The following ATP9B variants were observed in gnomAD, a reference collection of about 807,000 sequenced individuals.
ATP9B encodes probable phospholipid-transporting ATPase IIB.
A neutral mutation model predicts 146.1 loss-of-function variants in ATP9B; 110 were observed. The observed-to-expected ratio is 0.75, with a 90% CI of 0.65 to 0.88. The LOEUF is 0.88. Among genes scored for constraint, ATP9B ranks in the 40% least tolerant of loss-of-function variants. The pLI is 0.00. For missense variants in ATP9B, 1,499 were observed against 1,496.4 expected, an observed-to-expected ratio of 1.00 and a Z score of -0.03; for synonymous variants, 604 against 569.7, an observed-to-expected ratio of 1.06 and a Z score of -0.86.
chr18:79,282,891 T>C (rs9956306), intron 13 of ATP9B, among the ~76,000 whole-genome samples: 64,856 of 151,942 alleles, frequency 0.43, 14,181 homozygotes, highest in Middle Eastern at 0.56. Context: ...GCAAAAGAAA[T>C]GTGTTGTCAG....
intron 15 of ATP9B, 124 bp from the exon 16 acceptor site, chr18:79,329,017 G>A (rs1198125748): frequency 5.7e-6 from 6 of 1,048,554 alleles, no homozygotes; most frequent in Non-Finnish European, 7.7e-6. Flanking sequence ...AAAAAGTTCT[G>A]AACACCTAAG....
intron 1 of ATP9B, among the ~76,000 whole-genome samples, chr18:79,095,362 G>T (rs914943894): frequency 3.9e-5 from 6 of 152,016 alleles, no homozygotes; most frequent in Non-Finnish European, 7.4e-5. Flanking sequence ...ACTCTTTCTG[G>T]GTATAATTTT....
At chr18:79,291,439 A>T (rs913859923) in intron 13 of ATP9B, among the ~76,000 whole-genome samples, 5 of 152,194 alleles carry the variant, frequency 3.3e-5, no homozygotes, top group Admixed American at 2.6e-4. Context: ...TGTATTACAG[A>T]CTCTACATTA....
At chr18:79,299,559 C>T (rs1457656630) in intron 13 of ATP9B, among the ~76,000 whole-genome samples, 1 of 152,232 alleles carries the variant, frequency 6.6e-6, no homozygotes, top group East Asian at 1.9e-4. Flanking sequence ...AGCATGATCT[C>T]TTGCAGCCTC....
rs1394444172 is a variant in ATP9B at position 79,339,255 on chromosome 18, T to TGTCATGATCACAGTAGGAAGTGC, written c.2283+1828_2283+1829insCGTCATGATCACAGTAGGAAGTG. Reference sequence around the variant, plus strand: ...TGTGTCATGATCATAGTAGGAAGTATGTCATGATCACAGTAGGAAGTGTGT... The same window carrying TGTCATGATCACAGTAGGAAGTGC: ...TGTGTCATGATCATAGTAGGAAGTATGTCATGATCACAGTAGGAAGTGCGTCATGATCACAGTAGGAAGTGTGT... On this transcript the variant is annotated intron_variant, in intron 19 of 29. Transcript: ENST00000426216. 3.4e-4 allele frequency among the ~76,000 whole-genome samples: 50 copies of TGTCATGATCACAGTAGGAAGTGC among 147,354 alleles called. No individual in the cohort carries two copies. The East Asian group carries it at 9.7e-3, about 29-fold the overall frequency.
At chr18:79,147,007 G>T (rs183910137) in intron 6 of ATP9B, 1 of 152,200 alleles carries the variant, frequency 6.6e-6, no homozygotes, top group Admixed American at 6.5e-5. Context: ...AAAGTAAAAG[G>T]ATAGAAAAAT....
At chr18:79,104,576 C>T (rs2075525644) in intron 2 of ATP9B, among the ~76,000 whole-genome samples, 1 of 151,646 alleles carries the variant, frequency 6.6e-6, no homozygotes, top group African/African-American at 2.4e-5. Context: ...TTGTTTTTAC[C>T]AAGTGAAATG....
chr18:79,292,818 C>T (rs1486312517), intron 13 of ATP9B, among the ~76,000 whole-genome samples: 1 of 151,910 alleles, frequency 6.6e-6, no homozygotes, highest in Non-Finnish European at 1.5e-5. Flanking sequence ...AGTGCAGTGG[C>T]ACAATTGTGG....
intron 25 of ATP9B, among the ~76,000 whole-genome samples, chr18:79,349,385 T>G (rs1379341871): frequency 6.6e-6 from 1 of 152,196 alleles, no homozygotes; most frequent in Non-Finnish European, 1.5e-5. Context: ...GTGAGAAAAG[T>G]GAGAGACCCA....
chr18:79,373,453 G>A (rs2097084294), intron 27 of ATP9B, among the ~76,000 whole-genome samples: 1 of 147,726 alleles, frequency 6.8e-6, no homozygotes, highest in African/African-American at 2.5e-5. Flanking sequence ...TAAGTGACTT[G>A]TTCATCAGCA....
rs1003797801 is a variant in ATP9B at position 79,359,409 on chromosome 18, G to A, written c.2959G>A (p.Val987Met). 34 of 1,613,932 alleles carry A rather than the reference G, an allele frequency of 2.1e-5. No individual in the cohort carries two copies. Among genetic ancestry groups the A allele is most frequent in the African/African-American group, 9.3e-5 (7 of 74,916 alleles). ...PVFSLVLDQDVKPEMAMLYPE... is the reference protein window; with the variant it reads ...PVFSLVLDQDMKPEMAMLYPE... ...GTTCTCCTTAGTGCTGGACCAGGAC[G>A]TGAAGCCAGAGATGGCGATGCTCTA... is the stretch of plus-strand genomic sequence containing the variant. The change falls in exon 26 of 30, where the codon GTG becomes ATG. Residue 987 changes from valine (V) to methionine (M), a missense_variant. Val to Met is a conservative substitution (Grantham distance 21). Transcript: ENST00000426216.
intron 13 of ATP9B, among the ~76,000 whole-genome samples, chr18:79,290,343 G>A (rs1568589415): frequency 6.6e-6 from 1 of 152,234 alleles, no homozygotes; most frequent in Non-Finnish European, 1.5e-5. Flanking sequence ...CCCCAGCCTT[G>A]CTGCCGCCTT....
intron 13 of ATP9B, among the ~76,000 whole-genome samples, chr18:79,303,198 C>CA (rs1315177502): frequency 2.0e-5 from 3 of 151,902 alleles, no homozygotes; most frequent in Non-Finnish European, 4.4e-5. Flanking sequence ...ACTGCCTCTA[C>CA]AAAAAACAAA....
At chr18:79,350,392 C>T (rs1388629016) in intron 25 of ATP9B, among the ~76,000 whole-genome samples, 2 of 152,260 alleles carry the variant, frequency 1.3e-5, no homozygotes, top group African/African-American at 2.4e-5. Context: ...TGATCGTAAG[C>T]ATTGCAGACT....
At chr18:79,327,531 TG>T (rs2096757210) in intron 15 of ATP9B, among the ~76,000 whole-genome samples, 49 of 138,568 alleles carry the variant, frequency 3.5e-4, no homozygotes, top group African/African-American at 1.0e-3. Flanking sequence ...GTGCTCTCCG[TG>T]GTTAGCGTGC....
chr18:79,285,704 C>G (rs2096431458), intron 13 of ATP9B, among the ~76,000 whole-genome samples: 1 of 152,216 alleles, frequency 6.6e-6, no homozygotes, highest in South Asian at 2.1e-4. Flanking sequence ...CGCCTATGCC[C>G]TGAATGGTAA....
At chr18:79,310,020 A>G (rs1424973215) in intron 15 of ATP9B, among the ~76,000 whole-genome samples, 1 of 152,200 alleles carries the variant, frequency 6.6e-6, no homozygotes, top group Non-Finnish European at 1.5e-5. Flanking sequence ...AATTCCACAG[A>G]CAGTGGAAAT....
chr18:79,287,988 G>A (rs1429012141), intron 13 of ATP9B, among the ~76,000 whole-genome samples: 6 of 147,310 alleles, frequency 4.1e-5, no homozygotes, highest in South Asian at 2.1e-4. Context: ...GAGACAGTTT[G>A]TTATAATTTC....
At chr18:79,233,385 A>G (rs780798397) in intron 11 of ATP9B, among the ~76,000 whole-genome samples, 28 of 152,228 alleles carry the variant, frequency 1.8e-4, no homozygotes, top group Non-Finnish European at 3.4e-4. Context: ...AGATCTTTCC[A>G]AGACACTAGA....
Sources: allele counts gnomAD v4.1 joint callset (sites outside exome capture counted in the v4.1 genomes callset), GRCh38; gene constraint gnomAD v4.1.1; transcripts MANE v1.5; gene names NCBI Gene and HGNC (gene_info 2026-07-23, HGNC 2026-07-21).